Variants in PAK1 observed in about 807,000 individuals in gnomAD.
PAK1 encodes p21 (RAC1) activated kinase 1.
In PAK1, 29 loss-of-function variants were observed where a neutral mutation model predicts 67.4. The observed-to-expected ratio is 0.43, with a 90% CI of 0.32 to 0.59. The LOEUF is 0.59. Among genes scored for constraint, PAK1 ranks in the 20% least tolerant of loss-of-function variants. PAK1 has a pLI of 0.07. For synonymous variants in PAK1, 223 were observed against 237.4 expected (o/e 0.94, Z 0.56); for missense variants, 337 against 670.7 (o/e 0.50, Z 5.50).
rs544973587 is a variant in PAK1, at chr11:77,449,856, CCT to C, written c.-22+23694_-22+23695del. Among the ~76,000 whole-genome samples, 309 of 152,142 alleles carry C rather than the reference CCT, an allele frequency of 2.0e-3. 1 individual carries two copies. The highest frequency in any genetic ancestry group is 7.2e-3 in the African/African-American group (300 of 41,486). On this transcript the variant is annotated intron_variant, in intron 1 of 14. Coordinates refer to ENST00000356341, the MANE Select transcript of PAK1 (RefSeq NM_002576.5). Reference sequence around the variant, plus strand: ...ATTTTTTAAAAATTCTGTTTTAGCCCCTGTGCTGAGAACAGGGAGCAAAAATT... The same window carrying C: ...ATTTTTTAAAAATTCTGTTTTAGCCCGTGCTGAGAACAGGGAGCAAAAATT...
chr11:77,516,366 G>A, the PAK1 span, among the ~76,000 whole-genome samples: 1 of 152,086 alleles, frequency 6.6e-6, no homozygotes, highest in Non-Finnish European at 1.5e-5. Context: ...GAGTAAACTT[G>A]GACAACTTTT....
At chr11:77,480,521 G>GTTTTTTTTTT in the PAK1 span, among the ~76,000 whole-genome samples, 1 of 121,316 alleles carries the variant, frequency 8.2e-6, no homozygotes, top group Non-Finnish European at 1.7e-5. Flanking sequence ...AACCACCATG[G>GTTTTTTTTTT]TTTTTTTTTT....
In PAK1 at chr11:77,322,730, C is replaced by CAGCTGAGCCAAAGTCATGGTCCAGGA; in HGVS notation, c.*518_*543dup. The CAGCTGAGCCAAAGTCATGGTCCAGGA allele has an allele frequency of 3.6e-6, 1 of 280,900 alleles. No individual in the cohort carries two copies. Among genetic ancestry groups the CAGCTGAGCCAAAGTCATGGTCCAGGA allele is most frequent in the East Asian group, 5.5e-5 (1 of 18,058 alleles). The allele number at this position is 280,900 out of a possible 1,614,324, so 17.4% of individuals were successfully genotyped here. The stretch of plus-strand genomic sequence containing the variant: ...TGTGGTTGTTCTCCCATGTCAGGAT[C>CAGCTGAGCCAAAGTCATGGTCCAGGA]AGCTGAGCCAAAGTCATGGTCCAGG... On this transcript the variant is annotated 3_prime_UTR_variant, in exon 15 of 15. Coordinates refer to ENST00000356341, the MANE Select transcript of PAK1 (RefSeq NM_002576.5).
At chr11:77,383,321 ATTTT>A (rs1162924725) in intron 2 of PAK1, among the ~76,000 whole-genome samples, 5 of 135,650 alleles carry the variant, frequency 3.7e-5, no homozygotes, top group East Asian at 2.1e-4. Flanking sequence ...GTACTGTGTA[ATTTT>A]TTTTTTTTTT....
chr11:77,381,001 AC>A (rs1212186001), intron 2 of PAK1, among the ~76,000 whole-genome samples: 2 of 152,178 alleles, frequency 1.3e-5, no homozygotes, highest in Non-Finnish European at 1.5e-5. Context: ...TGGGAGCTCA[AC>A]ACACTAACCA....
intron 1 of PAK1, among the ~76,000 whole-genome samples, chr11:77,394,927 C>G (rs1342447864): frequency 1.3e-5 from 2 of 151,836 alleles, no homozygotes; most frequent in Non-Finnish European, 2.9e-5. Context: ...TTTAGAGGCC[C>G]TCTGTTATTT....
At chr11:77,408,253 G>C (rs1953924332) in intron 1 of PAK1, 1 of 152,114 alleles carries the variant, frequency 6.6e-6, no homozygotes, top group Non-Finnish European at 1.5e-5. Context: ...AATTAGCATA[G>C]AGTAGATGGT....
At chr11:77,481,921 T>C in the PAK1 span, among the ~76,000 whole-genome samples, 63 of 152,282 alleles carry the variant, frequency 4.1e-4, no homozygotes, top group Non-Finnish European at 2.5e-4. Context: ...TAAATAAATA[T>C]CTATTCCTTG....
chr11:77,451,597 G>GT (rs149904004), intron 1 of PAK1, among the ~76,000 whole-genome samples: 4,824 of 148,200 alleles, frequency 0.033, 468 homozygotes, highest in African/African-American at 0.11. Flanking sequence ...AATGTCTTTT[G>GT]TTTTTTTTTG....
chr11:77,370,750 T>C (rs1948319136), intron 5 of PAK1, among the ~76,000 whole-genome samples: 1 of 152,222 alleles, frequency 6.6e-6, no homozygotes, highest in Non-Finnish European at 1.5e-5. Context: ...ATTAAGAAAT[T>C]TGAGATAGCA....
chr11:77,418,505 T>C (rs1182880190), intron 1 of PAK1, among the ~76,000 whole-genome samples: 1 of 152,200 alleles, frequency 6.6e-6, no homozygotes, highest in East Asian at 1.9e-4. Context: ...TTGGCTGACA[T>C]TGAGCTTCAG....
At chr11:77,354,671 G>C (rs1193495712) in intron 7 of PAK1, among the ~76,000 whole-genome samples, 1 of 152,124 alleles carries the variant, frequency 6.6e-6, no homozygotes. Context: ...ATTTTATGAG[G>C]GATCCAGAAA....
At chr11:77,521,904 A>G in the PAK1 span, among the ~76,000 whole-genome samples, 4 of 152,248 alleles carry the variant, frequency 2.6e-5, no homozygotes, top group Non-Finnish European at 5.9e-5. Flanking sequence ...CACAGGAATA[A>G]GCAGGGTTAG....
intron 1 of PAK1, among the ~76,000 whole-genome samples, chr11:77,418,716 A>G (rs1312987141): frequency 6.6e-6 from 1 of 152,254 alleles, no homozygotes; most frequent in Non-Finnish European, 1.5e-5. Flanking sequence ...TCACCTACAA[A>G]GCTAATAAGT....
chr11:77,324,004 A>G (rs1364630445), intron 14 of PAK1, among the ~76,000 whole-genome samples: 3 of 152,190 alleles, frequency 2.0e-5, no homozygotes, highest in Admixed American at 2.0e-4. Context: ...CTCAAATCCA[A>G]TAATGCTAAT....
At chr11:77,370,011 A>C (rs1948208787) in intron 5 of PAK1, among the ~76,000 whole-genome samples, 1 of 152,180 alleles carries the variant, frequency 6.6e-6, no homozygotes. Context: ...AGGATAGATT[A>C]GTGTATGTAA....
At chr11:77,359,832 T>C (rs1445482258) in intron 5 of PAK1, among the ~76,000 whole-genome samples, 2 of 152,104 alleles carry the variant, frequency 1.3e-5, no homozygotes, top group South Asian at 4.1e-4. Context: ...CTCCAAAATA[T>C]GAGATTTTTG....
At chr11:77,352,615 G>A (rs933412540) in intron 8 of PAK1, among the ~76,000 whole-genome samples, 19 of 152,250 alleles carry the variant, frequency 1.2e-4, no homozygotes, top group African/African-American at 4.6e-4. Flanking sequence ...ACCACTCACT[G>A]ACTCACCTAG....
At chr11:77,347,017 C>T (rs1246894353) in intron 9 of PAK1, 1 of 456,208 alleles carries the variant, frequency 2.2e-6, no homozygotes, top group Non-Finnish European at 4.4e-6. Context: ...GGATAACCCC[C>T]AATAAGCAAG....
Sources: allele counts gnomAD v4.1 joint callset (sites outside exome capture counted in the v4.1 genomes callset), GRCh38; gene constraint gnomAD v4.1.1; transcripts MANE v1.5; gene names NCBI Gene and HGNC (gene_info 2026-07-23, HGNC 2026-07-21).